ZNF257: variants seen among roughly 807,000 people sequenced by gnomAD.
ZNF257 encodes zinc finger protein 257.
In ZNF257, 12 loss-of-function variants were observed where a neutral mutation model predicts 11.9. The ratio of observed to expected loss-of-function variants is 1.01; its 90% CI spans 0.65 to 1.63. The LOEUF is 1.63. Ranked by LOEUF, ZNF257 falls within the 40% of genes most tolerant of loss-of-function variation. ZNF257 has a pLI of 0.00. For synonymous variants in ZNF257, 183 were observed against 222.7 expected, an observed-to-expected ratio of 0.82 and a Z score of 1.59; for missense variants, 580 against 665.5, an observed-to-expected ratio of 0.87 and a Z score of 1.41.
chr19:22,054,090 TAA>T (rs2021559297), intron 1 of ZNF257, among the ~76,000 whole-genome samples: 1 of 151,156 alleles, frequency 6.6e-6, no homozygotes, highest in Admixed American at 6.6e-5. Flanking sequence ...TTTTTTTTTT[TAA>T]GAAGGAGTTT....
At position 22,089,280 on chromosome 19, in the gene ZNF257, T is replaced by C; in HGVS notation, c.1530T>C (p.Thr510=). The change falls in exon 4 of 4, where the codon ACT becomes ACC. Residue 510 remains threonine, a synonymous_variant. Transcript: ENST00000594947. ...SHLSQHKIIH[T]GEKPYKCEEC... ...TTTCTCAACATAAGATAATTCATAC[T>C]GGAGAGAAACCCTACAAATGTGAAG... is the stretch of plus-strand genomic sequence containing the variant. 1 of 1,613,938 alleles carries C rather than the reference T, an allele frequency of 6.2e-7. No homozygotes were observed. Among genetic ancestry groups the C allele is most frequent in the East Asian group, 2.2e-5 (1 of 44,852 alleles).
chr19:22,074,844 A>G (rs746697506), intron 3 of ZNF257, among the ~76,000 whole-genome samples: 15 of 152,144 alleles, frequency 9.9e-5, no homozygotes, highest in Non-Finnish European at 2.2e-4. Flanking sequence ...ATCTACAAAC[A>G]GCAAATTTTT....
At chr19:22,056,876 GA>G (rs975855027) in intron 1 of ZNF257, among the ~76,000 whole-genome samples, 1 of 151,974 alleles carries the variant, frequency 6.6e-6, no homozygotes, top group Non-Finnish European at 1.5e-5. Context: ...GAAAAGAATA[GA>G]AAAAAATCTC....
intron 1 of ZNF257, among the ~76,000 whole-genome samples, chr19:22,069,165 A>G (rs1011378699): frequency 6.6e-6 from 1 of 152,172 alleles, no homozygotes; most frequent in African/African-American, 2.4e-5. Flanking sequence ...TTAGAATAAT[A>G]GATGTAGCAG....
intron 1 of ZNF257, among the ~76,000 whole-genome samples, chr19:22,071,129 C>G (rs1476298061): frequency 6.6e-6 from 1 of 152,136 alleles, no homozygotes; most frequent in Non-Finnish European, 1.5e-5. Context: ...AGGGTGGTCA[C>G]AGGGCATGTT....
Position 22,067,618 on chromosome 19 carries a change from C to T in ZNF257, c.4-5191C>T, listed in dbSNP as rs571172227. Among the ~76,000 whole-genome samples the T allele has an allele frequency of 3.7e-3, 555 of 151,856 alleles. 3 individuals carry two copies. Among genetic ancestry groups the T allele is most frequent in the Non-Finnish European group, 5.3e-3 (362 of 67,956 alleles). ...TTGGGAGGCTGAGGCAGGTGGATCA[C>T]GAGGTCAGGAGTTCAAGACCAGCCT... On this transcript the variant is annotated intron_variant, in intron 1 of 3. Coordinates refer to ENST00000594947, the MANE Select transcript of ZNF257 (RefSeq NM_033468.4).
intron 1 of ZNF257, among the ~76,000 whole-genome samples, chr19:22,061,176 T>C (rs2021786229): frequency 6.6e-6 from 1 of 152,194 alleles, no homozygotes; most frequent in African/African-American, 2.4e-5. Context: ...TTTGGTAGTT[T>C]GATAGGAATA....
At chr19:22,087,334 C>T (rs2022498243) in intron 3 of ZNF257, among the ~76,000 whole-genome samples, 1 of 151,840 alleles carries the variant, frequency 6.6e-6, no homozygotes, top group Admixed American at 6.6e-5. Context: ...GCCTTTCAAA[C>T]ATGTTCTTAG....
rs1467715570 is a variant in ZNF257, at chr19:22,089,487, AC to A, written c.*46del. On this transcript the variant is annotated 3_prime_UTR_variant, in exon 4 of 4. Transcript: ENST00000594947. ...TGTGAAGAATGTGTCAAAGCTTTTA[AC>A]TGTTCCTCAATCCTTACTAAACATA... 1.3e-6 allele frequency: 2 copies of A among 1,570,162 alleles called. No individual in the cohort carries two copies. Among genetic ancestry groups the A allele is most frequent in the South Asian group, 2.3e-5 (2 of 85,296 alleles).
At chr19:22,083,199 G>T (rs2022398086) in intron 3 of ZNF257, among the ~76,000 whole-genome samples, 1 of 152,116 alleles carries the variant, frequency 6.6e-6, no homozygotes, top group African/African-American at 2.4e-5. Flanking sequence ...ACAGGGTGTG[G>T]TGGCTCACAC....
intron 2 of ZNF257, among the ~76,000 whole-genome samples, chr19:22,073,238 C>T (rs1246999326): frequency 6.6e-6 from 1 of 151,934 alleles, no homozygotes; most frequent in Non-Finnish European, 1.5e-5. Flanking sequence ...GTTGCCCACA[C>T]CTTAAAATCT....
chr19:22,055,197 A>G (rs1384072345), intron 1 of ZNF257, among the ~76,000 whole-genome samples: 1 of 152,138 alleles, frequency 6.6e-6, no homozygotes, highest in Non-Finnish European at 1.5e-5. Flanking sequence ...CATTTGTGAA[A>G]GAAAAAATAG....
intron 1 of ZNF257, among the ~76,000 whole-genome samples, chr19:22,061,073 C>G (rs939196024): frequency 6.0e-5 from 9 of 148,840 alleles, no homozygotes; most frequent in Middle Eastern, 3.6e-3. Flanking sequence ...AGCTCTGTTC[C>G]TTTTGTGTAG....
Position 22,089,397 on chromosome 19 carries a change from CA to C in ZNF257, c.1650del (p.Ala551LeufsTer49). Reference sequence around the variant, plus strand: ...ACCCCAACAAATATGAAGAATGTGGCAAAGCTTGTAACCATTCCTCAAACCT... The same window carrying C: ...ACCCCAACAAATATGAAGAATGTGGCAAGCTTGTAACCATTCCTCAAACCT... Reference protein sequence around the residue: ...ENPNKYEECGKACNHSSNLTK... With the variant: ...ENPNKYEECGXACNHSSNLTK... On this transcript the variant is annotated frameshift_variant, in exon 4 of 4. Transcript: ENST00000594947. LOFTEE classifies it low-confidence loss of function (END_TRUNC). 6.2e-7 allele frequency: 1 copy of C among 1,612,350 alleles called. No individual in the cohort carries two copies. Among genetic ancestry groups the C allele is most frequent in the African/African-American group, 1.3e-5 (1 of 74,924 alleles).
intron 1 of ZNF257, among the ~76,000 whole-genome samples, chr19:22,065,547 T>A (rs1248517231): frequency 6.6e-6 from 1 of 152,190 alleles, no homozygotes; most frequent in Non-Finnish European, 1.5e-5. Flanking sequence ...ACTAGTACAT[T>A]AAAATTATAT....
At chr19:22,056,723 C>T (rs1171285394) in intron 1 of ZNF257, among the ~76,000 whole-genome samples, 1 of 152,072 alleles carries the variant, frequency 6.6e-6, no homozygotes, top group Admixed American at 6.6e-5. Flanking sequence ...CGTGATCCGC[C>T]CACCTCGGCC....
rs77041084 is a variant in ZNF257, at chr19:22,061,686, G to A, written c.3+9051G>A. Among the ~76,000 whole-genome samples, 829 of 151,878 alleles carry A rather than the reference G, an allele frequency of 5.5e-3. 2 individuals carry two copies. The highest frequency in any genetic ancestry group is 0.018 in the African/African-American group (761 of 41,340). ...CCAATCTATGTTGAATAGGAGTGGT[G>A]AGAGAAGACATTCTTGTCTTGTGCC... is the stretch of plus-strand genomic sequence containing the variant. On this transcript the variant is annotated intron_variant, in intron 1 of 3. Transcript: ENST00000594947.
chr19:22,073,703 T>C (rs1008152789), intron 3 of ZNF257, 139 bp downstream of exon 3: 60 of 1,178,320 alleles, frequency 5.1e-5, no homozygotes, highest in Non-Finnish European at 6.7e-5. Flanking sequence ...GTTTGCATTT[T>C]TTTTTTCTTT....
chr19:22,080,369 T>G (rs1374256700), intron 3 of ZNF257, among the ~76,000 whole-genome samples: 1 of 152,316 alleles, frequency 6.6e-6, no homozygotes, highest in Non-Finnish European at 1.5e-5. Flanking sequence ...CCATCCTCTT[T>G]GTAATCAAAA....
Sources: gnomAD v4.1 joint callset for allele counts (sites outside exome capture counted in the v4.1 genomes callset) on GRCh38, gnomAD v4.1.1 for gene constraint, MANE v1.5 for transcripts, NCBI Gene and HGNC (gene_info 2026-07-23, HGNC 2026-07-21) for gene names.